The following MESD variants were observed in gnomAD, a reference collection of about 807,000 sequenced individuals.
MESD encodes the protein LRP chaperone MESD.
MESD carries 7 observed loss-of-function variants against 12.9 expected under a neutral mutation model. That is an observed-to-expected ratio of 0.54 (90% CI 0.31 to 1.02). The LOEUF (loss-of-function observed/expected upper bound fraction) is 1.02, where lower values mean the gene tolerates loss of function less well. Among genes scored for constraint, MESD ranks in the 50% least tolerant of loss-of-function variants. MESD has a pLI of 0.05. For synonymous variants in MESD, 126 were observed against 115.6 expected, an observed-to-expected ratio of 1.09 and a Z score of -0.58; for missense variants, 342 against 296.7, an observed-to-expected ratio of 1.15 and a Z score of -1.12.
intron 3 of MESD, among the ~76,000 whole-genome samples, chr15:80,966,615 C>T (rs1193227226): frequency 6.6e-6 from 1 of 152,198 alleles, no homozygotes; most frequent in South Asian, 2.1e-4. Flanking sequence ...CCCCAGCTTC[C>T]AGGCTGCCTC....
chr15:80,958,124 G>A (rs1052296729), intron 3 of MESD, among the ~76,000 whole-genome samples: 6 of 152,014 alleles, frequency 3.9e-5, no homozygotes, highest in Non-Finnish European at 8.8e-5. Flanking sequence ...TGAAGATTTA[G>A]GAATATGGCA....
intron 1 of MESD, among the ~76,000 whole-genome samples, chr15:80,985,520 G>A (rs367665559): frequency 2.6e-5 from 4 of 151,956 alleles, no homozygotes; most frequent in African/African-American, 4.8e-5. Context: ...CCATAACATC[G>A]GTTATAGTCT....
intron 1 of MESD, among the ~76,000 whole-genome samples, chr15:80,987,088 A>G (rs1902752678): frequency 6.6e-6 from 1 of 152,246 alleles, no homozygotes; most frequent in Non-Finnish European, 1.5e-5. Flanking sequence ...ATCATAATGT[A>G]AAATGTAATA....
intron 4 of MESD, chr15:80,949,374 T>C (rs1901719248): frequency 7.3e-6 from 2 of 275,276 alleles, no homozygotes; most frequent in South Asian, 8.2e-5. Flanking sequence ...AGAAAGAGCC[T>C]TGGCCTTAAG....
intron 3 of MESD, among the ~76,000 whole-genome samples, chr15:80,962,118 T>A (rs963625613): frequency 2.6e-5 from 4 of 152,132 alleles, no homozygotes; most frequent in Non-Finnish European, 5.9e-5. Context: ...GAGATGCACA[T>A]AAGCTCAAAA....
chr15:80,953,612 A>C (rs1017275397), intron 3 of MESD, among the ~76,000 whole-genome samples: 4 of 152,176 alleles, frequency 2.6e-5, no homozygotes, highest in African/African-American at 9.7e-5. Flanking sequence ...TGGCAGAGTT[A>C]AGTTTTGCAG....
chr15:80,964,379 G>A (rs1253425909), intron 3 of MESD, among the ~76,000 whole-genome samples: 3 of 152,144 alleles, frequency 2.0e-5, no homozygotes, highest in African/African-American at 7.2e-5. Context: ...TCATGAAAAA[G>A]GCCATACTGC....
exon 5 of MESD, chr15:80,948,594 G>T: frequency 1.5e-6 from 1 of 683,574 alleles, no homozygotes; most frequent in Non-Finnish European, 2.6e-6. Flanking sequence ...TGAGGCTCAG[G>T]TGAGACCCTG....
downstream of MESD, among the ~76,000 whole-genome samples, chr15:80,973,466 G>A (rs1318451359): frequency 6.6e-6 from 1 of 152,126 alleles, no homozygotes; most frequent in African/African-American, 2.4e-5. Context: ...TTGAGCCTAG[G>A]AGGTCAAGGT....
chr15:80,982,264 G>T, intron 1 of MESD, 82 bp from the exon 2 acceptor site: 2 of 1,064,218 alleles, frequency 1.9e-6, no homozygotes, highest in Non-Finnish European at 2.9e-6. Flanking sequence ...TCTGCATGAT[G>T]TCAGGTGCAT....
At chr15:80,984,463 A>T (rs1307865660) in intron 1 of MESD, among the ~76,000 whole-genome samples, 3 of 152,188 alleles carry the variant, frequency 2.0e-5, no homozygotes, top group Non-Finnish European at 4.4e-5. Flanking sequence ...GATACATGAA[A>T]ATATTATGCT....
At chr15:80,983,446 A>G (rs137882059) in intron 1 of MESD, among the ~76,000 whole-genome samples, 24 of 152,178 alleles carry the variant, frequency 1.6e-4, no homozygotes, top group Admixed American at 5.9e-4. Flanking sequence ...AGGAGTAAAC[A>G]TATTGAGGGT....
intron 3 of MESD, among the ~76,000 whole-genome samples, chr15:80,970,160 C>T (rs1383169917): frequency 6.6e-6 from 1 of 152,124 alleles, no homozygotes; most frequent in Non-Finnish European, 1.5e-5. Context: ...GAATTCTCAC[C>T]GAAGGATCAG....
At chr15:80,981,298 G>A (rs1327602904) in intron 2 of MESD, among the ~76,000 whole-genome samples, 22 of 151,800 alleles carry the variant, frequency 1.4e-4, no homozygotes, top group Admixed American at 1.2e-3. Flanking sequence ...TTAGCTGGGC[G>A]TGGTGGCAGG....
intron 3 of MESD, among the ~76,000 whole-genome samples, chr15:80,960,166 C>T (rs1443978590): frequency 6.6e-6 from 1 of 152,028 alleles, no homozygotes; most frequent in Non-Finnish European, 1.5e-5. Flanking sequence ...GAGTTCAAGG[C>T]CAGCCAGGGC....
In MESD at chr15:80,975,774, C is replaced by T. The variant is rs144290607; in HGVS notation, c.*3445G>A. ...TAATTGATAGTCAAAAGATATCATC[C>T]AAATTTATTAGATCACTAGATATTA... On this transcript the variant is annotated 3_prime_UTR_variant, in exon 3 of 3. Transcript: ENST00000261758. 2.6e-5 allele frequency: 4 copies of T among 152,044 alleles called. No individual in the cohort carries two copies. The highest frequency in any genetic ancestry group is 9.6e-5 in the African/African-American group (4 of 41,456). 9.4% of individuals were successfully genotyped at this position (152,044 alleles called of 1,614,324 possible).
chr15:80,946,753 G>C (rs181895283), downstream of MESD: 6 of 586,024 alleles, frequency 1.0e-5, no homozygotes, highest in East Asian at 1.9e-4. Context: ...ACTGTGGCCA[G>C]ATGTGTGGGA....
chr15:80,979,578 A>C (rs1902519050), intron 2 of MESD, 101 bp from the exon 3 acceptor site: 1 of 1,356,730 alleles, frequency 7.4e-7, no homozygotes, highest in East Asian at 2.3e-5. Context: ...CAAATTCTAC[A>C]TGAATATGGA....
In MESD at chr15:80,989,710, G is replaced by A. The variant is rs1262519950; in HGVS notation, c.82C>T (p.Pro28Ser). Residue 28 changes from proline (P) to serine (S), a missense_variant, in exon 1 of 3, where the codon CCG (proline) becomes TCG (serine). Transcript: ENST00000261758. ...DLLLLLLLLP[P>S]PGSCAAEGSP... Reference sequence around the variant, plus strand: ...CCTTCGGCCGCGCAGGACCCAGGCGGTGGTAGCAGTAGCAGCAGCAGCAGC... The same window carrying A: ...CCTTCGGCCGCGCAGGACCCAGGCGATGGTAGCAGTAGCAGCAGCAGCAGC... The A allele has an allele frequency of 3.7e-6, 6 of 1,610,568 alleles. No individual in the cohort carries two copies. The highest frequency in any genetic ancestry group is 4.2e-6 in the Non-Finnish European group (5 of 1,179,976).
Sources: gnomAD v4.1 joint callset for allele counts (sites outside exome capture counted in the v4.1 genomes callset) on GRCh38, gnomAD v4.1.1 for gene constraint, MANE v1.5 for transcripts, NCBI Gene and HGNC (gene_info 2026-07-23, HGNC 2026-07-21) for gene names.